FSTL4: variants seen among roughly 807,000 people sequenced by gnomAD.
FSTL4 encodes follistatin-related protein 4.
FSTL4 carries 28 observed loss-of-function variants against 78.2 expected under a neutral mutation model. That is an observed-to-expected ratio of 0.36 (90% confidence interval 0.27 to 0.49). FSTL4 has a LOEUF of 0.49. Among genes scored for constraint, FSTL4 ranks in the 20% least tolerant of loss-of-function variants. FSTL4 has a pLI of 0.98. For missense variants in FSTL4, 922 were observed against 1,084.9 expected (o/e 0.85, Z 2.11); for synonymous variants, 422 against 440.5 (o/e 0.96, Z 0.53).
At position 133,422,035 on chromosome 5, in the gene FSTL4, G is replaced by A. The variant is rs75884271; in HGVS notation, c.161-21049C>T. Reference sequence around the variant, plus strand: ...AGGCAGCCTTTCAGCATGGAGTGAGGGAACAAGCTGAAGAGGATCAGAGTC... The same window carrying A: ...AGGCAGCCTTTCAGCATGGAGTGAGAGAACAAGCTGAAGAGGATCAGAGTC... On this transcript the variant is annotated intron_variant, in intron 3 of 15. Coordinates refer to ENST00000265342, the MANE Select transcript of FSTL4 (RefSeq NM_015082.2). 4.1e-3 allele frequency among the ~76,000 whole-genome samples: 629 copies of A among 152,274 alleles called. 1 individual carries two copies. The highest frequency in any genetic ancestry group is 0.013 in the African/African-American group (537 of 41,546).
chr5:133,326,497 T>C (rs1754215876), intron 4 of FSTL4, among the ~76,000 whole-genome samples: 1 of 152,234 alleles, frequency 6.6e-6, no homozygotes, highest in Non-Finnish European at 1.5e-5. Context: ...GCGGTGTTTA[T>C]GCCTGTCATT....
chr5:133,202,086 G>C, intron 14 of FSTL4, 44 bp from the exon 15 acceptor site: 1 of 1,351,060 alleles, frequency 7.4e-7, no homozygotes, highest in Non-Finnish European at 1.0e-6. Context: ...CATGCAGGTG[G>C]GGGCTGAACC....
intron 3 of FSTL4, among the ~76,000 whole-genome samples, chr5:133,505,849 C>G (rs1002109648): frequency 1.6e-4 from 24 of 152,344 alleles, no homozygotes; most frequent in African/African-American, 5.5e-4. Flanking sequence ...ATATCAACAT[C>G]TGGCAGAAAC....
the FSTL4 span, among the ~76,000 whole-genome samples, chr5:133,662,700 C>T: frequency 1.3e-5 from 2 of 152,104 alleles, no homozygotes; most frequent in African/African-American, 2.4e-5. Context: ...ATTCACAGTT[C>T]CAGAGCCCCT....
At chr5:133,746,719 C>T in the FSTL4 span, among the ~76,000 whole-genome samples, 19 of 152,166 alleles carry the variant, frequency 1.2e-4, no homozygotes, top group East Asian at 5.8e-4. Flanking sequence ...ACAAAAAAAG[C>T]GATTCCATTT....
chr5:133,486,603 C>G (rs531709918), intron 3 of FSTL4, among the ~76,000 whole-genome samples: 45 of 152,290 alleles, frequency 3.0e-4, no homozygotes, highest in Middle Eastern at 3.4e-3. Flanking sequence ...ACAAGCTACT[C>G]TCATCTCTTG....
chr5:133,707,980 C>G, the FSTL4 span, among the ~76,000 whole-genome samples: 3 of 151,852 alleles, frequency 2.0e-5, no homozygotes, highest in Non-Finnish European at 4.4e-5. Context: ...AGAAATTCGT[C>G]TATGGATTCC....
At chr5:133,574,801 C>T (rs1760239690) in intron 2 of FSTL4, 1 of 152,124 alleles carries the variant, frequency 6.6e-6, no homozygotes, top group Non-Finnish European at 1.5e-5. Context: ...TGTCATAGCG[C>T]TGAGGGAAAG....
chr5:133,655,877 A>G, the FSTL4 span, among the ~76,000 whole-genome samples: 1 of 152,202 alleles, frequency 6.6e-6, no homozygotes, highest in Non-Finnish European at 1.5e-5. Flanking sequence ...AACCAGTGAG[A>G]TAGGCCGTTA....
chr5:133,261,755 C>T (rs1462379188), intron 6 of FSTL4, among the ~76,000 whole-genome samples: 1 of 152,116 alleles, frequency 6.6e-6, no homozygotes, highest in Non-Finnish European at 1.5e-5. Context: ...CTTTGGGAGG[C>T]TGAGGCAGGC....
At chr5:133,725,989 A>G in the FSTL4 span, among the ~76,000 whole-genome samples, 6 of 152,234 alleles carry the variant, frequency 3.9e-5, no homozygotes, top group Non-Finnish European at 7.3e-5. Flanking sequence ...GAAGAGTGCC[A>G]GAGTCCAGAT....
chr5:133,821,997 C>T, the FSTL4 span, among the ~76,000 whole-genome samples: 1 of 152,154 alleles, frequency 6.6e-6, no homozygotes, highest in Non-Finnish European at 1.5e-5. Context: ...CACACTCAGG[C>T]ATATTTCTCA....
chr5:133,649,708 T>C, the FSTL4 span, among the ~76,000 whole-genome samples: 1 of 152,164 alleles, frequency 6.6e-6, no homozygotes, highest in Non-Finnish European at 1.5e-5. Context: ...TAATGTGTGT[T>C]TTCTTATTGT....
the FSTL4 span, among the ~76,000 whole-genome samples, chr5:133,791,845 A>G: frequency 1.3e-5 from 2 of 152,120 alleles, no homozygotes; most frequent in African/African-American, 2.4e-5. Flanking sequence ...TCCTCTAGCC[A>G]TCTTCCCATT....
At chr5:133,571,861 A>C (rs1561473565) in intron 2 of FSTL4, among the ~76,000 whole-genome samples, 1 of 152,200 alleles carries the variant, frequency 6.6e-6, no homozygotes, top group Non-Finnish European at 1.5e-5. Flanking sequence ...AAAGGAAAAA[A>C]GATAAAGAAT....
intron 6 of FSTL4, among the ~76,000 whole-genome samples, chr5:133,291,086 C>T (rs535099919): frequency 6.6e-6 from 1 of 152,236 alleles, no homozygotes; most frequent in Non-Finnish European, 1.5e-5. Context: ...CACTTGGAAG[C>T]ACTTAACAAT....
Position 133,391,446 on chromosome 5 carries a change from G to A in FSTL4, c.409+9292C>T, listed in dbSNP as rs57181047. 3.1e-3 allele frequency among the ~76,000 whole-genome samples: 476 copies of A among 152,296 alleles called. 1 individual carries two copies. Among genetic ancestry groups the A allele is most frequent in the African/African-American group, 9.9e-3 (413 of 41,568 alleles). On this transcript the variant is annotated intron_variant, in intron 4 of 15. Transcript: ENST00000265342. The stretch of plus-strand genomic sequence containing the variant: ...GGGCCTTCCTCAAACAGCCTCCTGC[G>A]GAGAAGCCTGGGGAGGAGGCTCCAT...
upstream of FSTL4, among the ~76,000 whole-genome samples, chr5:133,615,674 G>A (rs190185638): frequency 1.3e-5 from 2 of 152,316 alleles, no homozygotes; most frequent in East Asian, 1.9e-4. Flanking sequence ...TTTTTAAGAT[G>A]ATAATTCATT....
chr5:133,356,867 G>A (rs1381956213), intron 4 of FSTL4, among the ~76,000 whole-genome samples: 1 of 152,216 alleles, frequency 6.6e-6, no homozygotes, highest in Non-Finnish European at 1.5e-5. Context: ...GAGGCCCTAG[G>A]CCACATCACA....
Sources: allele counts gnomAD v4.1 joint callset (sites outside exome capture counted in the v4.1 genomes callset), GRCh38; gene constraint gnomAD v4.1.1; transcripts MANE v1.5; gene names NCBI Gene and HGNC (gene_info 2026-07-23, HGNC 2026-07-21).